Variants in LAMA3 observed in about 807,000 individuals in gnomAD.
LAMA3 encodes laminin subunit alpha 3.
A neutral mutation model predicts 402.0 loss-of-function variants in LAMA3; 281 were observed. The ratio of observed to expected loss-of-function variants is 0.70; its 90% CI spans 0.63 to 0.77. LAMA3 has a LOEUF of 0.77. Among genes scored for constraint, LAMA3 ranks in the 30% least tolerant of loss-of-function variants. The probability of loss-of-function intolerance (pLI) is 0.00; values close to 1 mark genes in which losing one functional copy is unlikely to be tolerated. For missense variants in LAMA3, 3,840 were observed against 4,215.5 expected (o/e 0.91, Z 2.47); for synonymous variants, 1,431 against 1,558.4 (o/e 0.92, Z 1.93).
chr18:23,811,636 G>A (rs1257403759), intron 13 of LAMA3, among the ~76,000 whole-genome samples: 2 of 152,154 alleles, frequency 1.3e-5, no homozygotes, highest in East Asian at 3.9e-4. Context: ...TTTGTGTCCT[G>A]GAGAGGAACC....
chr18:23,777,342 C>T (rs1351230758), intron 10 of LAMA3, among the ~76,000 whole-genome samples: 1 of 152,010 alleles, frequency 6.6e-6, no homozygotes, highest in African/African-American at 2.4e-5. Flanking sequence ...ACATTCATTT[C>T]TGTTCATCGT....
chr18:23,836,471 G>GTGA (rs1477546853), intron 24 of LAMA3, among the ~76,000 whole-genome samples: 2 of 152,168 alleles, frequency 1.3e-5, no homozygotes, highest in Non-Finnish European at 2.9e-5. Flanking sequence ...CTCACTTGAT[G>GTGA]TGATGGAGGG....
At chr18:23,842,779 C>G (rs555578079) in intron 29 of LAMA3, 29 bp downstream of exon 29, 2 of 1,613,816 alleles carry the variant, frequency 1.2e-6, no homozygotes, top group Non-Finnish European at 1.7e-6. Flanking sequence ...TCAACTTGCT[C>G]CTCACATGCC....
Position 23,810,372 on chromosome 18 carries a change from G to A in LAMA3, c.1610G>A (p.Trp537Ter), listed in dbSNP as rs763872037. The A allele has an allele frequency of 2.5e-6, 4 of 1,614,120 alleles. No individual in the cohort carries two copies. The highest frequency in any genetic ancestry group is 1.7e-5 in the Admixed American group (1 of 60,014). Residue 537 changes from tryptophan (W) to a stop codon, truncating the protein, a stop_gained, in exon 13 of 75, where the codon TGG becomes TAG. Transcript: ENST00000313654. LOFTEE classifies it high-confidence loss of function. ...FYSFPICQAC[W>*]CSALGSYQMP... ...ATTGAATTCTTTCATCCAGCCTGCTGGTGTTCAGCCCTTGGATCCTACCAG... is the reference window on the plus strand; with the variant it reads ...ATTGAATTCTTTCATCCAGCCTGCTAGTGTTCAGCCCTTGGATCCTACCAG...
At chr18:23,811,649 A>G (rs2063070935) in intron 13 of LAMA3, among the ~76,000 whole-genome samples, 1 of 152,074 alleles carries the variant, frequency 6.6e-6, no homozygotes, top group Admixed American at 6.6e-5. Context: ...GAGGAACCCG[A>G]GGTTGGGCAT....
chr18:23,953,675 G>A (rs1227821638), intron 74 of LAMA3, among the ~76,000 whole-genome samples: 2 of 152,122 alleles, frequency 1.3e-5, no homozygotes, highest in Non-Finnish European at 2.9e-5. Context: ...TTCTTAAGAG[G>A]TTGCATTAAC....
At chr18:23,882,458 C>T (rs944774594) in intron 40 of LAMA3, among the ~76,000 whole-genome samples, 2 of 151,850 alleles carry the variant, frequency 1.3e-5, no homozygotes, top group South Asian at 2.1e-4. Flanking sequence ...GGTGAAACCC[C>T]GTCTCTACTG....
At chr18:23,750,856 C>A (rs1338391496) in intron 4 of LAMA3, 62 bp from the exon 5 acceptor site, 2 of 1,579,674 alleles carry the variant, frequency 1.3e-6, no homozygotes, top group Non-Finnish European at 1.7e-6. Context: ...TTTTTACTTA[C>A]TTGCTGCTAA....
At chr18:23,779,460 G>A (rs1458883607) in intron 11 of LAMA3, among the ~76,000 whole-genome samples, 1 of 152,158 alleles carries the variant, frequency 6.6e-6, no homozygotes, top group Non-Finnish European at 1.5e-5. Context: ...TGCTAGACCG[G>A]AAGTAGAATA....
At chr18:23,921,409 C>T in intron 61 of LAMA3, 43 bp from the exon 62 acceptor site, 2 of 1,604,874 alleles carry the variant, frequency 1.2e-6, no homozygotes, top group East Asian at 4.5e-5. Flanking sequence ...ATAGGATTCT[C>T]TTATTTTCGC....
chr18:23,954,810 G>T lies in LAMA3; in HGVS notation c.*162G>T. On this transcript the variant is annotated 3_prime_UTR_variant, in exon 75 of 75. Transcript: ENST00000313654. ...CTGACCATGGATACCCATCACTTTG[G>T]CATTCAGTGCTACATGTGTATTTTA... 2.8e-6 allele frequency: 2 copies of T among 724,474 alleles called. No homozygotes were observed. Among genetic ancestry groups the T allele is most frequent in the Non-Finnish European group, 4.9e-6 (2 of 407,526 alleles). The allele number at this position is 724,474 out of a possible 1,614,324, so 44.9% of individuals were successfully genotyped here. A position where few individuals can be genotyped will look rare whatever the true frequency, so the allele number is the denominator to read the frequency against.
Position 23,847,585 on chromosome 18 carries a change from C to T in LAMA3, c.4053C>T (p.Ala1351=), listed in dbSNP as rs35035965. The change falls in exon 32 of 75, where the codon GCC becomes GCT. Residue 1351 remains alanine (A), a synonymous_variant. Transcript: ENST00000313654. ...ACTCATTCAGCTTCCACCCCATGGC[C>T]GGCTGCGAAGGCTGCAACTGTTCCA... ...ETHSFSFHPM[A]GCEGCNCSRR... is the part of the protein sequence containing the mutation. The T allele has an allele frequency of 0.011, 18,290 of 1,614,064 alleles. 1,700 individuals carry two copies. In the African/African-American group the frequency reaches 0.21, roughly 18 times the overall value.
At chr18:23,781,356 AC>A (rs1568177863) in intron 11 of LAMA3, 1 of 447,768 alleles carries the variant, frequency 2.2e-6, no homozygotes. Flanking sequence ...TGTCCTTGCC[AC>A]TTCTGAAAAG....
intron 2 of LAMA3, among the ~76,000 whole-genome samples, chr18:23,737,310 A>C (rs1005073389): frequency 1.4e-4 from 22 of 152,178 alleles, no homozygotes; most frequent in African/African-American, 5.1e-4. Flanking sequence ...CCTGGCTCCC[A>C]GCCTATGCTG....
Position 23,833,903 on chromosome 18 carries a change from G to C in LAMA3, c.2899G>C (p.Ala967Pro), listed in dbSNP as rs773504036. 2.7e-5 allele frequency: 43 copies of C among 1,614,050 alleles called. No individual in the cohort carries two copies. The highest frequency in any genetic ancestry group is 3.6e-5 in the Non-Finnish European group (42 of 1,180,042). The change falls in exon 24 of 75, where the codon GCT becomes CCT. Residue 967 changes from alanine to proline, a missense_variant. By Grantham distance (27) the Ala-to-Pro change is conservative. Around this residue, in one of 3 missense-constraint regions of LAMA3, gnomAD observed 2,109 missense variants for 2,376.0 expected, o/e 0.89. Coordinates refer to ENST00000313654, the MANE Select transcript of LAMA3 (RefSeq NM_198129.4). ...TGTGGTCGAGTATTCCACGGAGGCA[G>C]CTCAGCTGTTTGTGGTTGATGTGAA... ...VVVVEYSTEA[A>P]QLFVVDVNVK...
intron 1 of LAMA3, among the ~76,000 whole-genome samples, chr18:23,699,139 G>A (rs753525256): frequency 2.6e-5 from 4 of 152,184 alleles, no homozygotes; most frequent in South Asian, 4.1e-4. Flanking sequence ...GCCTCACAAC[G>A]AGGTTGGGAG....
rs1030976232 is a variant in LAMA3, at chr18:23,853,399, G to A, written c.4137-4445G>A. ...AGCGACTCTCCTGCCTCAGCCTGCC[G>A]AGTAGCTGGGATTACAGGCATGCAC... is the stretch of plus-strand genomic sequence containing the variant. On this transcript the variant is annotated intron_variant, in intron 32 of 74. Coordinates refer to ENST00000313654, the MANE Select transcript of LAMA3 (RefSeq NM_198129.4). Among the ~76,000 whole-genome samples the A allele has an allele frequency of 1.1e-4, 17 of 152,168 alleles. No individual in the cohort carries two copies. In the East Asian group the frequency reaches 2.3e-3, roughly 21 times the overall value.
At chr18:23,759,279 G>A (rs1036980729) in intron 7 of LAMA3, among the ~76,000 whole-genome samples, 3 of 146,592 alleles carry the variant, frequency 2.0e-5, no homozygotes, top group Admixed American at 1.4e-4. Context: ...GGTGCAGTGA[G>A]CTCTGATCCT....
chr18:23,917,166 C>T (rs943037154), intron 60 of LAMA3, among the ~76,000 whole-genome samples: 2 of 152,172 alleles, frequency 1.3e-5, no homozygotes, highest in Non-Finnish European at 2.9e-5. Context: ...TTATGGCCTC[C>T]AGCTTCATCC....
Sources: allele counts gnomAD v4.1 joint callset (sites outside exome capture counted in the v4.1 genomes callset), GRCh38; gene constraint gnomAD v4.1.1; regional missense constraint gnomAD v4.1.1; transcripts MANE v1.5; gene names NCBI Gene and HGNC (gene_info 2026-07-23, HGNC 2026-07-21).